Variants in PDE7B observed in about 807,000 individuals in gnomAD.
PDE7B encodes the protein 3',5'-cyclic-AMP phosphodiesterase 7B.
In PDE7B, 29 loss-of-function variants were observed where a neutral mutation model predicts 56.2. That is an observed-to-expected ratio of 0.52 (90% CI 0.38 to 0.70). The LOEUF is 0.70. Among genes scored for constraint, PDE7B ranks in the 30% least tolerant of loss-of-function variants. PDE7B has a pLI of 0.00. For synonymous variants in PDE7B, 197 were observed against 196.9 expected (o/e 1.00, Z 0.00); for missense variants, 490 against 565.0 (o/e 0.87, Z 1.35).
At chr6:136,015,374 G>T (rs1367694975) in intron 2 of PDE7B, among the ~76,000 whole-genome samples, 1 of 152,134 alleles carries the variant, frequency 6.6e-6, no homozygotes, top group Non-Finnish European at 1.5e-5. Context: ...AAACCAGATG[G>T]AGCCATTTTC....
chr6:136,100,162 T>C (rs1777537530), intron 2 of PDE7B, among the ~76,000 whole-genome samples: 1 of 152,172 alleles, frequency 6.6e-6, no homozygotes, highest in Non-Finnish European at 1.5e-5. Flanking sequence ...TACCATGCCG[T>C]TTTGGTTACT....
At chr6:136,031,974 G>A (rs527659683) in intron 2 of PDE7B, among the ~76,000 whole-genome samples, 11 of 152,052 alleles carry the variant, frequency 7.2e-5, no homozygotes, top group Middle Eastern at 3.2e-3. Context: ...TCTTGAGAGC[G>A]TTCAAAATTT....
At chr6:135,874,675 T>C (rs1274994012) in intron 1 of PDE7B, among the ~76,000 whole-genome samples, 2 of 152,210 alleles carry the variant, frequency 1.3e-5, no homozygotes, top group Non-Finnish European at 2.9e-5. Context: ...AAAATCCATG[T>C]AGAAATGAAC....
intron 8 of PDE7B, among the ~76,000 whole-genome samples, chr6:136,156,466 C>A (rs1778606848): frequency 6.6e-6 from 1 of 152,168 alleles, no homozygotes; most frequent in Admixed American, 6.5e-5. Flanking sequence ...GGATTACTGG[C>A]ATGAGCCACC....
At chr6:136,107,728 C>A (rs1406751055) in intron 2 of PDE7B, among the ~76,000 whole-genome samples, 1 of 152,126 alleles carries the variant, frequency 6.6e-6, no homozygotes, top group Non-Finnish European at 1.5e-5. Flanking sequence ...TTCTCCAAGG[C>A]CTACCGTGTT....
intron 3 of PDE7B, among the ~76,000 whole-genome samples, chr6:136,134,127 T>C (rs1459259876): frequency 6.6e-6 from 1 of 151,860 alleles, no homozygotes; most frequent in Admixed American, 6.6e-5. Context: ...TGGTGGTAGG[T>C]GAGATAGATT....
At chr6:136,018,542 G>A (rs547363245) in intron 2 of PDE7B, among the ~76,000 whole-genome samples, 6 of 152,244 alleles carry the variant, frequency 3.9e-5, no homozygotes, top group African/African-American at 1.2e-4. Flanking sequence ...CTGGGCCATC[G>A]TGACATTCAA....
chr6:135,925,772 G>A (rs1159246394), intron 1 of PDE7B, among the ~76,000 whole-genome samples: 1 of 152,080 alleles, frequency 6.6e-6, no homozygotes, highest in Non-Finnish European at 1.5e-5. Context: ...CACCCAAATA[G>A]CTTTTCAAAA....
intron 2 of PDE7B, among the ~76,000 whole-genome samples, chr6:136,067,423 T>G (rs553965556): frequency 6.6e-6 from 1 of 152,196 alleles, no homozygotes; most frequent in Non-Finnish European, 1.5e-5. Flanking sequence ...TACTAGACTT[T>G]ATGAAGACCT....
In PDE7B at chr6:136,192,008, T is replaced by C; in HGVS notation, c.*168T>C. ...ACCTGCCTCCCCTCCTTTTCGCAAATGTACAGAAGCCATTTGTCACCTCAG... is the reference window on the plus strand; with the variant it reads ...ACCTGCCTCCCCTCCTTTTCGCAAACGTACAGAAGCCATTTGTCACCTCAG... On this transcript the variant is annotated 3_prime_UTR_variant, in exon 13 of 13. Transcript: ENST00000308191. 3.3e-6 allele frequency: 2 copies of C among 612,736 alleles called. No homozygotes were observed. Among genetic ancestry groups the C allele is most frequent in the Non-Finnish European group, 5.8e-6 (2 of 347,578 alleles). The allele number at this position is 612,736 out of a possible 1,614,324, so 38.0% of individuals were successfully genotyped here.
At chr6:136,027,943 C>A (rs1411604508) in intron 2 of PDE7B, among the ~76,000 whole-genome samples, 7 of 152,122 alleles carry the variant, frequency 4.6e-5, no homozygotes, top group African/African-American at 1.7e-4. Flanking sequence ...ATAACAAAAA[C>A]TAATTTGGAT....
At chr6:136,123,942 GAT>G (rs1166970947) in intron 3 of PDE7B, among the ~76,000 whole-genome samples, 1 of 152,080 alleles carries the variant, frequency 6.6e-6, no homozygotes, top group East Asian at 1.9e-4. Context: ...TTAATAGCTG[GAT>G]GTATAAGAAA....
intron 1 of PDE7B, among the ~76,000 whole-genome samples, chr6:135,896,805 C>T (rs146403218): frequency 1.1e-4 from 16 of 152,282 alleles, no homozygotes; most frequent in Admixed American, 2.0e-4. Flanking sequence ...AAGCCTTCCA[C>T]GATTCCACTG....
chr6:136,132,607 C>T (rs1032274607), intron 3 of PDE7B, among the ~76,000 whole-genome samples: 7 of 152,080 alleles, frequency 4.6e-5, no homozygotes, highest in African/African-American at 1.4e-4. Flanking sequence ...TGTAAATTAC[C>T]TAGTAGGTGC....
intron 1 of PDE7B, 24 bp downstream of exon 1, chr6:135,852,043 C>G: frequency 6.4e-7 from 1 of 1,569,186 alleles, no homozygotes; most frequent in Middle Eastern, 1.7e-4. Context: ...ATTTAAGCGG[C>G]AAGCTCAGTT....
At chr6:136,002,948 G>A (rs1417124660) in intron 2 of PDE7B, among the ~76,000 whole-genome samples, 2 of 151,768 alleles carry the variant, frequency 1.3e-5, no homozygotes, top group Non-Finnish European at 2.9e-5. Flanking sequence ...CACATACTTG[G>A]AAGTAAAGCT....
chr6:136,183,072 C>CAAA (rs869296450), intron 11 of PDE7B, among the ~76,000 whole-genome samples: 183 of 50,502 alleles, frequency 3.6e-3, no homozygotes, highest in African/African-American at 0.012. Context: ...ACTCCGTCTC[C>CAAA]AAAAAAAAAA....
intron 2 of PDE7B, among the ~76,000 whole-genome samples, chr6:136,007,493 G>A (rs1261349540): frequency 6.6e-6 from 1 of 151,946 alleles, no homozygotes; most frequent in Non-Finnish European, 1.5e-5. Context: ...CATACAGGAA[G>A]GAACTAGTTG....
intron 1 of PDE7B, among the ~76,000 whole-genome samples, chr6:135,897,560 G>T (rs1190677261): frequency 6.6e-6 from 1 of 152,158 alleles, no homozygotes; most frequent in Non-Finnish European, 1.5e-5. Context: ...TCAGCAGGTG[G>T]ATCTCACCAA....
Sources: allele counts gnomAD v4.1 joint callset (sites outside exome capture counted in the v4.1 genomes callset), GRCh38; gene constraint gnomAD v4.1.1; transcripts MANE v1.5; gene names NCBI Gene and HGNC (gene_info 2026-07-23, HGNC 2026-07-21).